Variants in SYNE2 observed in about 807,000 individuals in gnomAD.
The protein encoded by SYNE2 is nesprin-2.
A neutral mutation model predicts 856.3 loss-of-function variants in SYNE2; 431 were observed. The ratio of observed to expected loss-of-function variants is 0.50; its 90% CI spans 0.47 to 0.55. The LOEUF is 0.55. Ranked by LOEUF, SYNE2 falls within the 20% of genes least tolerant of loss-of-function variation. The pLI, the probability that SYNE2 is intolerant of heterozygous loss-of-function variation, is 0.00. For missense variants in SYNE2, 8,129 were observed against 8,023.2 expected (o/e 1.01, Z -0.50); for synonymous variants, 2,923 against 2,872.3 (o/e 1.02, Z -0.56).
In SYNE2 at chr14:63,789,752, T is replaced by A. The variant is rs182286628; in HGVS notation, c.-305+27766T>A. The stretch of plus-strand genomic sequence containing the variant: ...GAGATCGTGCCACTGCACTCCAGCC[T>A]GGGCGACAGTGAGACTTGTCTCAAA... On this transcript the variant is annotated intron_variant, in intron 1 of 23. Coordinates refer to the SYNE2 transcript ENST00000674003. 4.1e-3 allele frequency among the ~76,000 whole-genome samples: 624 copies of A among 150,908 alleles called. 9 individuals carry two copies. Among genetic ancestry groups the A allele is most frequent in the African/African-American group, 0.014 (586 of 41,014 alleles).
At position 64,202,822 on chromosome 14, in the gene SYNE2, C is replaced by A; in HGVS notation, c.18060C>A (p.Thr6020=). Residue 6020 remains threonine (T), a synonymous_variant, in exon 100 of 116, where the codon ACC becomes ACA. Transcript: ENST00000555002. ...GTAGGGTGAAGAAGCTGAAGGAGACCTTTGCTTTTATTCAGCAGTTGGACA... is the reference window on the plus strand; with the variant it reads ...GTAGGGTGAAGAAGCTGAAGGAGACATTTGCTTTTATTCAGCAGTTGGACA... ...IGSRVKKLKE[T]FAFIQQLDKN... The A allele has an allele frequency of 1.2e-6, 2 of 1,613,992 alleles. No homozygotes were observed. Among genetic ancestry groups the A allele is most frequent in the Non-Finnish European group, 8.5e-7 (1 of 1,180,014 alleles).
intron 1 of SYNE2, among the ~76,000 whole-genome samples, chr14:63,817,899 C>A (rs993243143): frequency 6.6e-6 from 1 of 151,710 alleles, no homozygotes; most frequent in Non-Finnish European, 1.5e-5. Flanking sequence ...GTGGTGCATA[C>A]CTGTGGTCCC....
intron 19 of SYNE2, among the ~76,000 whole-genome samples, chr14:63,989,336 T>C (rs1167584583): frequency 1.3e-5 from 2 of 152,168 alleles, no homozygotes; most frequent in African/African-American, 2.4e-5. Flanking sequence ...TCAGATTTTA[T>C]TTTATTTTAT....
intron 34 of SYNE2, among the ~76,000 whole-genome samples, chr14:64,019,746 G>T (rs78987527): frequency 6.6e-6 from 1 of 152,166 alleles, no homozygotes. Context: ...GGCAGACCGT[G>T]CATTCTCTTG....
chr14:64,025,115 A>G lies in SYNE2; in HGVS notation c.5961-15A>G, dbSNP rs1362718863. On this transcript the variant is annotated splice_polypyrimidine_tract_variant and intron_variant, in intron 40 of 115. Coordinates refer to ENST00000555002, the MANE Select transcript of SYNE2 (RefSeq NM_182914.3). ...GTTACTCCTATAAACTTTAAGTGGT[A>G]TTTGGAATTTACAGGGAACAGTTTG... is the stretch of plus-strand genomic sequence containing the variant. The G allele has an allele frequency of 1.9e-6, 3 of 1,614,080 alleles. No individual in the cohort carries two copies.
At chr14:63,794,646 TG>T (rs1228944245) in intron 1 of SYNE2, among the ~76,000 whole-genome samples, 2 of 152,158 alleles carry the variant, frequency 1.3e-5, no homozygotes, top group Non-Finnish European at 2.9e-5. Context: ...AATAAACTCA[TG>T]AAAATGTGCT....
rs539469794 is a variant in SYNE2 at position 64,011,210 on chromosome 14, C to T, written c.4728+1094C>T. ...ACTTAGTTTCTTAGAGCTGGCCAGTCGGAAGCAGCCCTGTTTAGATACCAG... is the reference window on the plus strand; with the variant it reads ...ACTTAGTTTCTTAGAGCTGGCCAGTTGGAAGCAGCCCTGTTTAGATACCAG... On this transcript the variant is annotated intron_variant, in intron 32 of 115. Transcript: ENST00000555002. Among the ~76,000 whole-genome samples the T allele has an allele frequency of 7.2e-5, 11 of 152,284 alleles. No homozygotes were observed. In the East Asian group the frequency reaches 9.6e-4, roughly 13 times the overall value.
At chr14:63,959,287 C>CTTTTTTTTTTTTTTTTTTTTTTTTTT (rs34198434) in intron 8 of SYNE2, among the ~76,000 whole-genome samples, 1 of 81,382 alleles carries the variant, frequency 1.2e-5, no homozygotes, top group Non-Finnish European at 2.3e-5. Flanking sequence ...TTTTCTTCTT[C>CTTTTTTTTTTTTTTTTTTTTTTTTTT]TTTTTTTTTT....
rs533528473 is a variant in SYNE2 at position 63,991,087 on chromosome 14, G to A, written c.2618G>A (p.Ser873Asn). 11 of 1,614,092 alleles carry A rather than the reference G, an allele frequency of 6.8e-6. No individual in the cohort carries two copies. The highest frequency in any genetic ancestry group is 5.5e-5 in the South Asian group (5 of 91,078). Residue 873 changes from serine to asparagine, a missense_variant, in exon 21 of 116, where the codon AGC becomes AAC. Around this residue, in one of 3 missense-constraint regions of SYNE2, gnomAD observed 2,422 missense variants for 2,357.4 expected, o/e 1.03. Coordinates refer to ENST00000555002, the MANE Select transcript of SYNE2 (RefSeq NM_182914.3). ...CAGCAGTTACTGGGGCAAAGAGAGAGCCCCGGTGAACTCATTTCAAAACAC... is the reference window on the plus strand; with the variant it reads ...CAGCAGTTACTGGGGCAAAGAGAGAACCCCGGTGAACTCATTTCAAAACAC... ...RAQQLLGQRE[S>N]PGELISKHKE...
At chr14:64,079,257 A>G (rs1000990262) in intron 55 of SYNE2, among the ~76,000 whole-genome samples, 2 of 152,244 alleles carry the variant, frequency 1.3e-5, no homozygotes, top group Non-Finnish European at 2.9e-5. Flanking sequence ...AGGTTAAATA[A>G]AAATAAAAAT....
intron 21 of SYNE2, among the ~76,000 whole-genome samples, chr14:63,991,577 ATAGT>A (rs2096666763): frequency 6.6e-6 from 1 of 152,186 alleles, no homozygotes; most frequent in African/African-American, 2.4e-5. Flanking sequence ...ATACTTTTCT[ATAGT>A]TAAAGACCCA....
chr14:64,044,138 G>A (rs2097168926), intron 45 of SYNE2, among the ~76,000 whole-genome samples: 1 of 152,206 alleles, frequency 6.6e-6, no homozygotes, highest in African/African-American at 2.4e-5. Flanking sequence ...GAGGGAGGCT[G>A]TACCCTGCAA....
At position 63,909,242 on chromosome 14, in the gene SYNE2, G is replaced by A. The variant is rs776277470; in HGVS notation, c.79+15G>A. The A allele has an allele frequency of 4.4e-6, 7 of 1,592,270 alleles. No homozygotes were observed. The highest frequency in any genetic ancestry group is 5.2e-6 in the Non-Finnish European group (6 of 1,161,050). On this transcript the variant is annotated intron_variant, in intron 2 of 115. Coordinates refer to ENST00000555002, the MANE Select transcript of SYNE2 (RefSeq NM_182914.3). ...TTCATTGCAAGGTAATTAAGATTGG[G>A]TGGGGGTAACACCCACAGAAACTGG...
At chr14:63,977,746 C>T (rs1055232771) in intron 12 of SYNE2, among the ~76,000 whole-genome samples, 159 bp from the exon 13 acceptor site, 3 of 151,648 alleles carry the variant, frequency 2.0e-5, no homozygotes, top group Non-Finnish European at 2.9e-5. Context: ...GGTAACAGAG[C>T]GAGACCCTGT....
At chr14:63,882,030 T>C (rs2094877334) in intron 1 of SYNE2, among the ~76,000 whole-genome samples, 1 of 152,180 alleles carries the variant, frequency 6.6e-6, no homozygotes, top group Admixed American at 6.5e-5. Flanking sequence ...AGTTTATTGG[T>C]CGTGCTTTGT....
At chr14:64,128,413 C>A (rs2097972587) in intron 73 of SYNE2, 39 bp from the exon 74 acceptor site, 1 of 1,106,310 alleles carries the variant, frequency 9.0e-7, no homozygotes, top group South Asian at 1.3e-5. Flanking sequence ...TAATGAAGGC[C>A]TAAATGAGAT....
intron 85 of SYNE2, among the ~76,000 whole-genome samples, chr14:64,156,309 T>C (rs932649166): frequency 1.3e-5 from 2 of 152,196 alleles, no homozygotes; most frequent in Non-Finnish European, 2.9e-5. Flanking sequence ...AGTTCTTGTG[T>C]TGACATGTAT....
rs139258645 is a variant in SYNE2, at chr14:63,784,142, G to A, written c.-305+22156G>A. On this transcript the variant is annotated intron_variant, in intron 1 of 23. Coordinates refer to the SYNE2 transcript ENST00000674003. ...GGTGCAAGACAGAAACCATTTGTGGGTCTAGTGGGTAGATAGGAATTCCCT... is the reference window on the plus strand; with the variant it reads ...GGTGCAAGACAGAAACCATTTGTGGATCTAGTGGGTAGATAGGAATTCCCT... Among the ~76,000 whole-genome samples the A allele has an allele frequency of 2.1e-4, 32 of 152,272 alleles. 1 individual carries two copies. The East Asian group carries it at 5.8e-3, about 28-fold the overall frequency.
chr14:64,005,287 A>G (rs1030521016), intron 30 of SYNE2, among the ~76,000 whole-genome samples: 15 of 152,226 alleles, frequency 9.9e-5, no homozygotes, highest in African/African-American at 3.6e-4. Context: ...GAGAGAAGAC[A>G]TGGGAAGTCT....
Sources: allele counts gnomAD v4.1 joint callset (sites outside exome capture counted in the v4.1 genomes callset), GRCh38; gene constraint gnomAD v4.1.1; regional missense constraint gnomAD v4.1.1; transcripts MANE v1.5; gene names NCBI Gene and HGNC (gene_info 2026-07-23, HGNC 2026-07-21).